Variants in FNIP2 observed in about 807,000 individuals in gnomAD.
FNIP2 encodes folliculin-interacting protein 2.
In FNIP2, 32 loss-of-function variants were observed where a neutral mutation model predicts 108.7. The observed-to-expected ratio is 0.29, with a 90% CI of 0.22 to 0.40. The LOEUF (loss-of-function observed/expected upper bound fraction) is 0.40. Ranked by LOEUF, FNIP2 falls within the 10% of genes least tolerant of loss-of-function variation. The pLI, the probability that FNIP2 is intolerant of heterozygous loss-of-function variation, is 1.00. For missense variants in FNIP2, 1,202 were observed against 1,381.6 expected (o/e 0.87, Z 2.06); for synonymous variants, 480 against 496.7 (o/e 0.97, Z 0.45).
intron 14 of FNIP2, among the ~76,000 whole-genome samples, chr4:158,878,493 C>G (rs560087562): frequency 2.0e-5 from 3 of 152,140 alleles, no homozygotes; most frequent in Non-Finnish European, 2.9e-5. Flanking sequence ...TTATTCTACC[C>G]GAGTGATTTG....
chr4:158,784,591 G>A (rs1776154801), intron 1 of FNIP2, among the ~76,000 whole-genome samples: 1 of 152,216 alleles, frequency 6.6e-6, no homozygotes, highest in Non-Finnish European at 1.5e-5. Context: ...GGTCCCATCT[G>A]GGGTTGATGG....
At chr4:158,866,245 G>GTTTTTTTTTTT (rs1780575512) in intron 12 of FNIP2, among the ~76,000 whole-genome samples, 1 of 682 alleles carries the variant, frequency 1.5e-3, no homozygotes, top group African/African-American at 2.3e-3. Flanking sequence ...TTGAGACAGA[G>GTTTTTTTTTTT]TCTTGCTCTG....
chr4:158,788,395 A>G (rs1384831392), intron 1 of FNIP2, among the ~76,000 whole-genome samples: 1 of 152,262 alleles, frequency 6.6e-6, no homozygotes, highest in Non-Finnish European at 1.5e-5. Context: ...TATAGGCACA[A>G]GACAAATGTC....
At chr4:158,815,210 A>G (rs1202215778) in intron 1 of FNIP2, among the ~76,000 whole-genome samples, 1 of 152,220 alleles carries the variant, frequency 6.6e-6, no homozygotes, top group African/African-American at 2.4e-5. Context: ...TTACATAGCT[A>G]GGAAGAGGCA....
At chr4:158,866,359 A>C (rs528337040) in intron 12 of FNIP2, among the ~76,000 whole-genome samples, 5 of 146,928 alleles carry the variant, frequency 3.4e-5, no homozygotes, top group Non-Finnish European at 3.0e-5. Context: ...GCTAGGTTAC[A>C]GGTGTCTGCC....
intron 12 of FNIP2, among the ~76,000 whole-genome samples, chr4:158,866,221 C>CTTTTTTCTTTTT (rs1780569261): frequency 1.7e-5 from 1 of 59,764 alleles, no homozygotes; most frequent in Non-Finnish European, 2.8e-5. Flanking sequence ...TCTGGTTATT[C>CTTTTTTCTTTTT]TTTTTTTTTT....
chr4:158,867,007 G>A (rs916446870), intron 12 of FNIP2, among the ~76,000 whole-genome samples: 11 of 152,350 alleles, frequency 7.2e-5, no homozygotes, highest in African/African-American at 2.4e-4. Flanking sequence ...ATCAAATGCA[G>A]TAGTTTTAAT....
intron 14 of FNIP2, among the ~76,000 whole-genome samples, chr4:158,880,874 T>C (rs1475890661): frequency 2.0e-5 from 3 of 152,144 alleles, no homozygotes; most frequent in African/African-American, 7.2e-5. Context: ...GGTCTTCTCC[T>C]CTGAGGAGGC....
At chr4:158,823,404 T>C (rs1343748662) in intron 1 of FNIP2, among the ~76,000 whole-genome samples, 1 of 152,130 alleles carries the variant, frequency 6.6e-6, no homozygotes, top group Non-Finnish European at 1.5e-5. Flanking sequence ...TAGCTAGGAT[T>C]ATGGGTGCCC....
At chr4:158,883,173 A>T (rs1455173834) in intron 14 of FNIP2, among the ~76,000 whole-genome samples, 1 of 152,176 alleles carries the variant, frequency 6.6e-6, no homozygotes, top group South Asian at 2.1e-4. Context: ...AGAGAAAAAC[A>T]TAGAGAGAAG....
chr4:158,884,743 G>A (rs1390643524), intron 14 of FNIP2, among the ~76,000 whole-genome samples: 2 of 152,160 alleles, frequency 1.3e-5, no homozygotes, highest in African/African-American at 4.8e-5. Flanking sequence ...GGAGGCCTCA[G>A]GAAACTTACA....
At chr4:158,864,431 A>G (rs1780466746) in intron 12 of FNIP2, among the ~76,000 whole-genome samples, 1 of 152,248 alleles carries the variant, frequency 6.6e-6, no homozygotes. Flanking sequence ...TAAACTGTGT[A>G]GGGTATAAGG....
intron 14 of FNIP2, among the ~76,000 whole-genome samples, chr4:158,874,923 C>CA (rs10712018): frequency 1.4e-5 from 2 of 142,746 alleles, no homozygotes; most frequent in Admixed American, 7.0e-5. Flanking sequence ...TACTAAAATA[C>CA]AAAAAAAAAA....
intron 1 of FNIP2, among the ~76,000 whole-genome samples, chr4:158,801,628 T>A (rs994409437): frequency 5.9e-5 from 9 of 152,220 alleles, no homozygotes; most frequent in Non-Finnish European, 1.3e-4. Flanking sequence ...AAGATATTAC[T>A]ACTGCCTACT....
At chr4:158,877,809 G>A (rs988676934) in intron 14 of FNIP2, among the ~76,000 whole-genome samples, 1 of 152,194 alleles carries the variant, frequency 6.6e-6, no homozygotes, top group African/African-American at 2.4e-5. Context: ...CGTGATGGCT[G>A]TGTGCCCAGG....
intron 1 of FNIP2, among the ~76,000 whole-genome samples, chr4:158,819,353 G>T (rs1777751320): frequency 6.6e-6 from 1 of 152,200 alleles, no homozygotes; most frequent in African/African-American, 2.4e-5. Flanking sequence ...ATAGCTCTGT[G>T]TTGGTAATAT....
intron 12 of FNIP2, among the ~76,000 whole-genome samples, chr4:158,863,753 C>T (rs1050908359): frequency 1.3e-5 from 2 of 152,218 alleles, no homozygotes; most frequent in Non-Finnish European, 2.9e-5. Flanking sequence ...GTATTTCTTT[C>T]TTGGCATAGG....
At chr4:158,902,596 C>G (rs1268488097) in intron 16 of FNIP2, among the ~76,000 whole-genome samples, 1 of 152,216 alleles carries the variant, frequency 6.6e-6, no homozygotes, top group Non-Finnish European at 1.5e-5. Context: ...CCGCCCCTTC[C>G]CCCAGGTGCT....
chr4:158,898,722 A>C (rs1782919841), intron 16 of FNIP2, among the ~76,000 whole-genome samples: 1 of 152,200 alleles, frequency 6.6e-6, no homozygotes, highest in Non-Finnish European at 1.5e-5. Flanking sequence ...TATCAGCTTA[A>C]GGAGATTTTG....
Sources: allele counts gnomAD v4.1 joint callset (sites outside exome capture counted in the v4.1 genomes callset), GRCh38; gene constraint gnomAD v4.1.1; transcripts MANE v1.5; gene names NCBI Gene and HGNC (gene_info 2026-07-23, HGNC 2026-07-21).